KIF1C: variants seen among roughly 807,000 people sequenced by gnomAD.
The protein encoded by KIF1C is kinesin-like protein KIF1C.
Under a neutral mutation model 126.5 loss-of-function variants are expected in KIF1C, and 61 were observed. The ratio of observed to expected loss-of-function variants is 0.48; its 90% confidence interval spans 0.39 to 0.60. KIF1C has a LOEUF of 0.60. Among genes scored for constraint, KIF1C ranks in the 20% least tolerant of loss-of-function variants. The probability of loss-of-function intolerance (pLI) is 0.00; values close to 1 mark genes in which losing one functional copy is unlikely to be tolerated. For synonymous variants in KIF1C, 640 were observed against 580.6 expected (o/e 1.10, Z -1.47); for missense variants, 1,315 against 1,489.2 (o/e 0.88, Z 1.93).
chr17:5,024,272 C>T lies in KIF1C; in HGVS notation c.*121C>T, dbSNP rs931956220. ...GGCCCAGGAGATGAGAGAGAAGGTC[C>T]GAGTAGGTGATAGAAGACAAGGGGG... is the stretch of plus-strand genomic sequence containing the variant. On this transcript the variant is annotated 3_prime_UTR_variant, in exon 23 of 23. Transcript: ENST00000320785. The T allele has an allele frequency of 4.2e-6, 3 of 715,942 alleles. No homozygotes were observed. The highest frequency in any genetic ancestry group is 1.8e-5 in the African/African-American group (1 of 54,284). 44.3% of individuals were successfully genotyped at this position (715,942 alleles called of 1,614,324 possible). A position where few individuals can be genotyped will look rare whatever the true frequency, so the allele number is the denominator to read the frequency against.
At chr17:5,001,657 C>T (rs772974261) in intron 5 of KIF1C, among the ~76,000 whole-genome samples, 5 of 152,194 alleles carry the variant, frequency 3.3e-5, no homozygotes, top group African/African-American at 4.8e-5. Context: ...GCCAGTTTTA[C>T]GACTTACTAC....
At chr17:5,006,835 G>A (rs1284542539) in intron 13 of KIF1C, 80 bp from the exon 14 acceptor site, 2 of 1,442,372 alleles carry the variant, frequency 1.4e-6, no homozygotes, top group Non-Finnish European at 1.9e-6. Context: ...GGTCCTCTGT[G>A]AAGCTCTTGG....
Position 5,002,832 on chromosome 17 carries a change from A to G in KIF1C, c.710A>G (p.Asp237Gly), listed in dbSNP as rs201464566. 3 of 1,603,384 alleles carry G rather than the reference A, an allele frequency of 1.9e-6. No individual in the cohort carries two copies. Among genetic ancestry groups the G allele is most frequent in the African/African-American group, 2.8e-5 (2 of 72,508 alleles). ...QRCHDQLTGL[D>G]SEKVSKISLV... ...TGCCATGACCAGCTCACGGGGCTGG[A>G]CTCGGAGAAGGTGGGATCGCCCCCC... The change falls in exon 8 of 23, where the codon GAC (aspartate) becomes GGC (glycine). Residue 237 changes from aspartate to glycine, a missense_variant. By Grantham distance (94) the Asp-to-Gly change is moderately conservative. Transcript: ENST00000320785.
rs1025999384 is a variant in KIF1C, at chr17:5,027,869, G to C, written c.*3718G>C. 1.3e-5 allele frequency: 2 copies of C among 152,196 alleles called. No homozygotes were observed. The highest frequency in any genetic ancestry group is 4.8e-5 in the African/African-American group (2 of 41,434). 9.4% of individuals were successfully genotyped at this position (152,196 alleles called of 1,614,324 possible). The stretch of plus-strand genomic sequence containing the variant: ...GGCTCACACCTGTAGCTACTTGGGA[G>C]GCTGAGGTGGGAGGATCGCTTGAGC... On this transcript the variant is annotated 3_prime_UTR_variant, in exon 23 of 23. Coordinates refer to ENST00000320785, the MANE Select transcript of KIF1C (RefSeq NM_006612.6).
intron 18 of KIF1C, chr17:5,019,485 G>C (rs1056762269): frequency 5.7e-6 from 1 of 174,474 alleles, no homozygotes; most frequent in African/African-American, 2.4e-5. Flanking sequence ...CTAGATGGAT[G>C]TTTGGGTTGG....
chr17:5,008,187 T>C (rs962512483), intron 16 of KIF1C, among the ~76,000 whole-genome samples: 7 of 152,154 alleles, frequency 4.6e-5, no homozygotes, highest in Non-Finnish European at 1.0e-4. Context: ...AATAAATCTT[T>C]GCTGAAAGGA....
At chr17:5,003,505 C>A in intron 8 of KIF1C, 107 bp from the exon 9 acceptor site, 1 of 712,672 alleles carries the variant, frequency 1.4e-6, no homozygotes. Flanking sequence ...CCTCCTGGCT[C>A]TCTCTAGCCC....
In KIF1C at chr17:5,026,111, T is replaced by C. The variant is rs767020821; in HGVS notation, c.*1960T>C. On this transcript the variant is annotated 3_prime_UTR_variant, in exon 23 of 23. Transcript: ENST00000320785. ...CCACGGCTCTGGGCGAAGGAACGAT[T>C]AGGTTTACTCTAGGTTTCCACACCC... 1 of 152,228 alleles carries C rather than the reference T, an allele frequency of 6.6e-6. No individual in the cohort carries two copies. Among genetic ancestry groups the C allele is most frequent in the Non-Finnish European group, 1.5e-5 (1 of 68,050 alleles). The allele number at this position is 152,228 out of a possible 1,614,324, so 9.4% of individuals were successfully genotyped here. A position where few individuals can be genotyped will look rare whatever the true frequency, so the allele number is the denominator to read the frequency against.
At chr17:5,006,690 G>A (rs542100128) in intron 13 of KIF1C, among the ~76,000 whole-genome samples, 17 of 152,206 alleles carry the variant, frequency 1.1e-4, no homozygotes, top group Non-Finnish European at 2.2e-4. Flanking sequence ...AGGACTGGCC[G>A]CCTCCTTCAG....
chr17:5,003,343 G>A (rs930784163), intron 8 of KIF1C, among the ~76,000 whole-genome samples: 4 of 152,132 alleles, frequency 2.6e-5, no homozygotes, highest in African/African-American at 4.8e-5. Flanking sequence ...CACCACACCC[G>A]GCTGTTCTTA....
intron 11 of KIF1C, 86 bp downstream of exon 11, chr17:5,004,159 G>T: frequency 1.0e-6 from 1 of 989,600 alleles, no homozygotes; most frequent in South Asian, 1.3e-5. Flanking sequence ...TTGCTATGCC[G>T]AGAATCCCAA....
intron 16 of KIF1C, among the ~76,000 whole-genome samples, chr17:5,008,361 G>A (rs1223212599): frequency 7.5e-6 from 1 of 133,164 alleles, no homozygotes; most frequent in African/African-American, 2.5e-5. Flanking sequence ...TGGTGCAGAG[G>A]CCAGTATACC....
At chr17:4,998,691 C>T (rs763639105) in intron 1 of KIF1C, among the ~76,000 whole-genome samples, 2 of 152,348 alleles carry the variant, frequency 1.3e-5, no homozygotes, top group African/African-American at 2.4e-5. Context: ...CAGCTACTCC[C>T]TTCCTGTCCT....
At chr17:5,010,866 A>AG in intron 16 of KIF1C, among the ~76,000 whole-genome samples, 1 of 150,958 alleles carries the variant, frequency 6.6e-6, no homozygotes, top group African/African-American at 2.4e-5. Context: ...GCTGGAGTGC[A>AG]GTGGTGCAAT....
chr17:5,001,448 C>T (rs745705142), intron 5 of KIF1C, 47 bp downstream of exon 5: 2 of 1,569,380 alleles, frequency 1.3e-6, no homozygotes, highest in South Asian at 2.2e-5. Flanking sequence ...GCATCTTTAG[C>T]TGCCCTCTGA....
intron 13 of KIF1C, among the ~76,000 whole-genome samples, chr17:5,005,565 CT>C (rs1324044784): frequency 1.3e-5 from 2 of 152,006 alleles, no homozygotes; most frequent in Non-Finnish European, 2.9e-5. Context: ...TATGAGTGTT[CT>C]TGGAAAGAGA....
chr17:5,003,833 T>A lies in KIF1C; in HGVS notation c.799-18T>A. ...GGGAGAAGAGGGTCTCATCCCCACA[T>A]TCCTCATCCTTTTCCAGGAAGGAGC... is the stretch of plus-strand genomic sequence containing the variant. On this transcript the variant is annotated intron_variant, in intron 9 of 22. Coordinates refer to ENST00000320785, the MANE Select transcript of KIF1C (RefSeq NM_006612.6). 8 of 1,609,784 alleles carry A rather than the reference T, an allele frequency of 5.0e-6. No homozygotes were observed. The highest frequency in any genetic ancestry group is 6.0e-6 in the Non-Finnish European group (7 of 1,176,070).
intron 16 of KIF1C, among the ~76,000 whole-genome samples, chr17:5,013,325 G>A (rs549049974): frequency 6.6e-6 from 1 of 152,262 alleles, no homozygotes; most frequent in South Asian, 2.1e-4. Context: ...GGTGGGTCGA[G>A]GTGCTTCTGA....
chr17:5,027,657 A>C lies in KIF1C; in HGVS notation c.*3506A>C, dbSNP rs1975230903. The C allele has an allele frequency of 6.6e-6, 1 of 152,092 alleles. No homozygotes were observed. Among genetic ancestry groups the C allele is most frequent in the Non-Finnish European group, 1.5e-5 (1 of 68,054 alleles). The allele number at this position is 152,092 out of a possible 1,614,324, so 9.4% of individuals were successfully genotyped here. ...TTCCAACCCAGGTCAACATAACTAA[A>C]GCCCAAACCCCATCTCACCCCTCTA... On this transcript the variant is annotated 3_prime_UTR_variant, in exon 23 of 23. Transcript: ENST00000320785.
Sources: gnomAD v4.1 joint callset for allele counts (sites outside exome capture counted in the v4.1 genomes callset) on GRCh38, gnomAD v4.1.1 for gene constraint, MANE v1.5 for transcripts, NCBI Gene and HGNC (gene_info 2026-07-23, HGNC 2026-07-21) for gene names.